ST3GAL4: variants seen among roughly 807,000 people sequenced by gnomAD.
ST3GAL4 encodes the protein ST3 beta-galactoside alpha-2,3-sialyltransferase 4, also known as CMP-N-acetylneuraminate-beta-galactosamide-alpha-2,3-sialyltransferase 4.
Under a neutral mutation model 42.6 loss-of-function variants are expected in ST3GAL4, and 24 were observed. The observed-to-expected ratio is 0.56, with a 90% CI of 0.41 to 0.79. The LOEUF is 0.79. ST3GAL4 is among the 30% of genes least tolerant of loss of function. The probability of loss-of-function intolerance (pLI) is 0.00; values close to 1 mark genes in which losing one functional copy is unlikely to be tolerated. For missense variants in ST3GAL4, 311 were observed against 430.8 expected (o/e 0.72, Z 2.46); for synonymous variants, 135 against 163.2 (o/e 0.83, Z 1.32).
intron 1 of ST3GAL4, among the ~76,000 whole-genome samples, chr11:126,368,071 C>T (rs542731787): frequency 3.3e-5 from 5 of 150,582 alleles, no homozygotes; most frequent in African/African-American, 1.2e-4. Context: ...CCTTTGAATT[C>T]AGGAGGTGGA....
intron 1 of ST3GAL4, among the ~76,000 whole-genome samples, chr11:126,394,693 G>A (rs1953663015): frequency 6.6e-6 from 1 of 152,132 alleles, no homozygotes; most frequent in Admixed American, 6.5e-5. Context: ...TCAAAGTGCT[G>A]GGATTACTGG....
At chr11:126,361,612 C>A (rs1011047634) in intron 1 of ST3GAL4, among the ~76,000 whole-genome samples, 2 of 152,218 alleles carry the variant, frequency 1.3e-5, no homozygotes, top group African/African-American at 2.4e-5. Context: ...CCTTCCTCCC[C>A]CTGCGTTCTC....
chr11:126,355,742 G>A lies in ST3GAL4; in HGVS notation c.-161G>A, dbSNP rs1436702461. 6.6e-6 allele frequency: 1 copy of A among 151,714 alleles called. No individual in the cohort carries two copies. 9.4% of individuals were successfully genotyped at this position (151,714 alleles called of 1,614,324 possible). A position where few individuals can be genotyped will look rare whatever the true frequency, so the allele number is the denominator to read the frequency against. ...CCGCGCCCGGGACAGGGACCCGGCC[G>A]AGTCGAGCCGTCGCGCCAGCGCTGC... On this transcript the variant is annotated 5_prime_UTR_variant, in exon 1 of 11. Coordinates refer to ENST00000444328, the MANE Select transcript of ST3GAL4 (RefSeq NM_001254757.2). This position sits in a 1 kb window ranked among gnomAD's most constrained non-coding sequence, Gnocchi z 7.1.
chr11:126,406,348 A>G lies in ST3GAL4; in HGVS notation c.17-125A>G. The stretch of plus-strand genomic sequence containing the variant: ...TCAAGCCCTCAGCCAGGGCCAGGAG[A>G]GGGCCAGAGACTGCTTCTGTTGAGT... On this transcript the variant is annotated intron_variant, in intron 2 of 10. Transcript: ENST00000444328. This position sits in a 1 kb window ranked among gnomAD's most constrained non-coding sequence, Gnocchi z 5.4. 2 of 1,553,976 alleles carry G rather than the reference A, an allele frequency of 1.3e-6. No homozygotes were observed. Among genetic ancestry groups the G allele is most frequent in the Non-Finnish European group, 1.7e-6 (2 of 1,149,470 alleles).
rs1042353202 is a variant in ST3GAL4 at position 126,373,441 on chromosome 11, A to G, written c.-61+17599A>G. ...TGCACTCTTGATTCCACCTCCTCAC[A>G]CTGGCTTCAGCTTTCTCACCCTCAG... On this transcript the variant is annotated intron_variant, in intron 1 of 10. Transcript: ENST00000444328. This position sits in a 1 kb window ranked among gnomAD's most constrained non-coding sequence, Gnocchi z 5.5. Among the ~76,000 whole-genome samples the G allele has an allele frequency of 2.0e-5, 3 of 152,080 alleles. No homozygotes were observed. The highest frequency in any genetic ancestry group is 4.4e-5 in the Non-Finnish European group (3 of 68,020).
rs977059023 is a variant in ST3GAL4 at position 126,411,691 on chromosome 11, C to T, written c.772-1814C>T. ...CCTGCGATTGTAGAACTGAGGTCCC[C>T]ATTTCCTTGCTGGCTGTCAGCTGGA... On this transcript the variant is annotated intron_variant, in intron 9 of 10. Transcript: ENST00000444328. This position sits in a 1 kb window ranked among gnomAD's most constrained non-coding sequence, Gnocchi z 6.3. Among the ~76,000 whole-genome samples the T allele has an allele frequency of 1.5e-4, 23 of 152,166 alleles. No individual in the cohort carries two copies. Among genetic ancestry groups the T allele is most frequent in the Admixed American group, 1.2e-3 (19 of 15,272 alleles).
intron 1 of ST3GAL4, among the ~76,000 whole-genome samples, chr11:126,395,166 A>G (rs1054653430): frequency 6.6e-6 from 1 of 152,072 alleles, no homozygotes; most frequent in Non-Finnish European, 1.5e-5. Context: ...ACTCTGTTCC[A>G]CCTGCACTGG....
In ST3GAL4 at chr11:126,379,741, G is replaced by T. The variant is rs1323140155; in HGVS notation, c.-61+23899G>T. ...GATCCAACCACCTTGGCCTCCTTAAGTGCTGGGATTACAGGCATGAGCCAC... is the reference window on the plus strand; with the variant it reads ...GATCCAACCACCTTGGCCTCCTTAATTGCTGGGATTACAGGCATGAGCCAC... On this transcript the variant is annotated intron_variant, in intron 1 of 10. Transcript: ENST00000444328. This position sits in a 1 kb window ranked among gnomAD's most constrained non-coding sequence, Gnocchi z 4.2. 6.6e-6 allele frequency among the ~76,000 whole-genome samples: 1 copy of T among 152,122 alleles called. No homozygotes were observed. The highest frequency in any genetic ancestry group is 3.4e-3 in the Middle Eastern group (1 of 294).
In ST3GAL4 at chr11:126,386,680, T is replaced by G. The variant is rs1318784397; in HGVS notation, c.-60-19416T>G. ...CCTGCTCATGAGAAGGGTATCCTTG[T>G]GAGTACAGGGGAAATGGCATGGAGA... On this transcript the variant is annotated intron_variant, in intron 1 of 10. Coordinates refer to ENST00000444328, the MANE Select transcript of ST3GAL4 (RefSeq NM_001254757.2). This position sits in a 1 kb window ranked among gnomAD's most constrained non-coding sequence, Gnocchi z 4.7. Among the ~76,000 whole-genome samples, 2 of 152,042 alleles carry G rather than the reference T, an allele frequency of 1.3e-5. No individual in the cohort carries two copies. The highest frequency in any genetic ancestry group is 2.9e-5 in the Non-Finnish European group (2 of 68,014).
In ST3GAL4 at chr11:126,408,549, G is replaced by A. The variant is rs539310350; in HGVS notation, c.627+53G>A. 3.2e-3 allele frequency: 5,048 copies of A among 1,593,926 alleles called. 8 individuals are homozygous for A. Among genetic ancestry groups the A allele is most frequent in the Non-Finnish European group, 3.8e-3 (4,385 of 1,168,370 alleles). ...AGGCCTGGCGGTGGGGACGCTGCCC[G>A]AGTCAGGACCTCACGCTCCTTGATG... On this transcript the variant is annotated intron_variant, in intron 8 of 10. Coordinates refer to ENST00000444328, the MANE Select transcript of ST3GAL4 (RefSeq NM_001254757.2).
chr11:126,368,170 A>G (rs1952507541), intron 1 of ST3GAL4, among the ~76,000 whole-genome samples: 1 of 150,622 alleles, frequency 6.6e-6, no homozygotes, highest in African/African-American at 2.5e-5. Context: ...AAGATTATGC[A>G]CAGCACCTGC....
chr11:126,385,064 C>T (rs1237755629), intron 1 of ST3GAL4, among the ~76,000 whole-genome samples: 1 of 152,088 alleles, frequency 6.6e-6, no homozygotes, highest in African/African-American at 2.4e-5. Flanking sequence ...CTCAGGACAC[C>T]TCTGAGGACT....
Position 126,392,190 on chromosome 11 carries a change from G to T in ST3GAL4, c.-60-13906G>T. ...ATGTACCTTGCGCTTCCTGGGGCTTGGTCCTGGGGTTTCATCTCAGGTTGA... is the reference window on the plus strand; with the variant it reads ...ATGTACCTTGCGCTTCCTGGGGCTTTGTCCTGGGGTTTCATCTCAGGTTGA... On this transcript the variant is annotated intron_variant, in intron 1 of 10. Transcript: ENST00000444328. This position sits in a 1 kb window ranked among gnomAD's most constrained non-coding sequence, Gnocchi z 5.8. 2.4e-6 allele frequency: 1 copy of T among 425,078 alleles called. No homozygotes were observed. Among genetic ancestry groups the T allele is most frequent in the Non-Finnish European group, 3.1e-6 (1 of 317,720 alleles). The allele number at this position is 425,078 out of a possible 1,614,324, so 26.3% of individuals were successfully genotyped here. A position where few individuals can be genotyped will look rare whatever the true frequency, so the allele number is the denominator to read the frequency against.
rs903846114 is a variant in ST3GAL4, at chr11:126,378,444, G to A, written c.-61+22602G>A. Among the ~76,000 whole-genome samples, 7 of 152,148 alleles carry A rather than the reference G, an allele frequency of 4.6e-5. No homozygotes were observed. Among genetic ancestry groups the A allele is most frequent in the Non-Finnish European group, 8.8e-5 (6 of 68,022 alleles). On this transcript the variant is annotated intron_variant, in intron 1 of 10. Transcript: ENST00000444328. The surrounding 1 kb of genome is among the most constrained non-coding windows in gnomAD (Gnocchi z 5.3). ...TTTTTATTTGAGACGGAGTCTTGCT[G>A]TGTCACTCAGGCTGGAGTCAGTGGT...
At chr11:126,365,585 TC>T (rs1440084456) in intron 1 of ST3GAL4, among the ~76,000 whole-genome samples, 2 of 152,184 alleles carry the variant, frequency 1.3e-5, no homozygotes, top group South Asian at 2.1e-4. Flanking sequence ...GAATCCTCTG[TC>T]CCCAGGTAGT....
Position 126,392,480 on chromosome 11 carries a change from T to A in ST3GAL4, c.-60-13616T>A. ...CATTTGGCAGAAAGTGCGCTGGCTC[T>A]GCCAGCTCCCAGTGTGAGCTTCTAG... On this transcript the variant is annotated intron_variant, in intron 1 of 10. Coordinates refer to ENST00000444328, the MANE Select transcript of ST3GAL4 (RefSeq NM_001254757.2). This position sits in a 1 kb window ranked among gnomAD's most constrained non-coding sequence, Gnocchi z 5.8. The A allele has an allele frequency of 1.8e-6, 1 of 565,954 alleles. No homozygotes were observed. The highest frequency in any genetic ancestry group is 2.2e-6 in the Non-Finnish European group (1 of 446,468). The allele number at this position is 565,954 out of a possible 1,614,324, so 35.1% of individuals were successfully genotyped here.
chr11:126,383,369 A>C lies in ST3GAL4; in HGVS notation c.-60-22727A>C, dbSNP rs972485032. ...CAGCTTCGGGGACCTGCAAGCTGAC[A>C]GAGTCTCCAGGAGCCAGAGCTGGGG... On this transcript the variant is annotated intron_variant, in intron 1 of 10. Transcript: ENST00000444328. This position sits in a 1 kb window ranked among gnomAD's most constrained non-coding sequence, Gnocchi z 4.5. Among the ~76,000 whole-genome samples, 9 of 152,278 alleles carry C rather than the reference A, an allele frequency of 5.9e-5. No homozygotes were observed. The highest frequency in any genetic ancestry group is 1.9e-4 in the African/African-American group (8 of 41,574).
At chr11:126,394,539 C>G (rs897279100) in intron 1 of ST3GAL4, among the ~76,000 whole-genome samples, 71 of 152,186 alleles carry the variant, frequency 4.7e-4, no homozygotes, top group African/African-American at 1.7e-3. Flanking sequence ...ATCCTCCCAC[C>G]TCAGCCTCTG....
chr11:126,373,017 G>A lies in ST3GAL4; in HGVS notation c.-61+17175G>A, dbSNP rs3862628. Among the ~76,000 whole-genome samples, 50,162 of 151,968 alleles carry A rather than the reference G, an allele frequency of 0.33. 9,223 individuals are homozygous for A. Among genetic ancestry groups the A allele is most frequent in the African/African-American group, 0.49 (20,438 of 41,418 alleles). ...CTTCCATGTTTTTTCTCATTGTTTC[G>A]TGGGAATACTGATATTATATATTCA... On this transcript the variant is annotated intron_variant, in intron 1 of 10. Coordinates refer to ENST00000444328, the MANE Select transcript of ST3GAL4 (RefSeq NM_001254757.2). This position sits in a 1 kb window ranked among gnomAD's most constrained non-coding sequence, Gnocchi z 5.5.
Sources: allele counts gnomAD v4.1 joint callset (sites outside exome capture counted in the v4.1 genomes callset), GRCh38; gene constraint gnomAD v4.1.1; non-coding constraint Gnocchi (gnomAD v3.1); transcripts MANE v1.5; gene names NCBI Gene and HGNC (gene_info 2026-07-23, HGNC 2026-07-21).